F13A1: variants seen among roughly 807,000 people sequenced by gnomAD.
F13A1 encodes FSF, A subunit.
A neutral mutation model predicts 80.1 loss-of-function variants in F13A1; 47 were observed. That is an observed-to-expected ratio of 0.59 (90% CI 0.46 to 0.75). The LOEUF is 0.75. F13A1 is among the 30% of genes least tolerant of loss of function. F13A1 has a pLI of 0.00. For missense variants in F13A1, 817 were observed against 930.4 expected (o/e 0.88, Z 1.59); for synonymous variants, 349 against 344.9 (o/e 1.01, Z -0.13).
At chr6:6,272,121 G>C (rs1757929391) in intron 3 of F13A1, among the ~76,000 whole-genome samples, 1 of 152,166 alleles carries the variant, frequency 6.6e-6, no homozygotes, top group Non-Finnish European at 1.5e-5. Flanking sequence ...GCATTCCACA[G>C]ACCAGAGAGC....
At chr6:6,176,373 C>T (rs942804147) in intron 11 of F13A1, among the ~76,000 whole-genome samples, 18 of 152,126 alleles carry the variant, frequency 1.2e-4, no homozygotes, top group African/African-American at 3.4e-4. Flanking sequence ...CATAACAACA[C>T]TATAAGACAG....
At chr6:6,291,312 C>T (rs762762477) in intron 3 of F13A1, among the ~76,000 whole-genome samples, 1 of 152,060 alleles carries the variant, frequency 6.6e-6, no homozygotes, top group Non-Finnish European at 1.5e-5. Context: ...TCTTCCTTGA[C>T]TGATTCTTCC....
In F13A1 at chr6:6,279,883, T is replaced by C. The variant is rs190751964; in HGVS notation, c.320-13074A>G. On this transcript the variant is annotated intron_variant, in intron 3 of 14. Coordinates refer to ENST00000264870, the MANE Select transcript of F13A1 (RefSeq NM_000129.4). ...CTTCCAAACAAAACAGGCCAACTGA[T>C]GACATTTTTGCTAAAACAGTCAATT... Among the ~76,000 whole-genome samples, 194 of 152,360 alleles carry C rather than the reference T, an allele frequency of 1.3e-3. 1 individual carries two copies. Among genetic ancestry groups the C allele is most frequent in the Admixed American group, 3.5e-3 (53 of 15,308 alleles).
At chr6:6,235,771 C>T (rs1216663000) in intron 6 of F13A1, among the ~76,000 whole-genome samples, 7 of 151,968 alleles carry the variant, frequency 4.6e-5, no homozygotes, top group African/African-American at 1.7e-4. Flanking sequence ...ACCCAGCCAC[C>T]TCACTCCTAG....
chr6:6,216,093 C>G (rs936245183), intron 8 of F13A1, among the ~76,000 whole-genome samples: 14 of 149,462 alleles, frequency 9.4e-5, no homozygotes, highest in African/African-American at 3.5e-4. Flanking sequence ...TGAAAATGGC[C>G]ATACTGCCCA....
intron 14 of F13A1, among the ~76,000 whole-genome samples, chr6:6,148,202 A>C (rs1760317250): frequency 6.6e-6 from 1 of 152,236 alleles, no homozygotes; most frequent in Non-Finnish European, 1.5e-5. Flanking sequence ...CAAGTGCAGA[A>C]AGTTAAGAGT....
intron 8 of F13A1, among the ~76,000 whole-genome samples, chr6:6,217,775 T>A (rs1372496783): frequency 6.6e-6 from 1 of 152,230 alleles, no homozygotes; most frequent in Non-Finnish European, 1.5e-5. Context: ...ATATGAGTAC[T>A]GAGGACATAA....
At chr6:6,292,197 A>C (rs3024354) in intron 3 of F13A1, among the ~76,000 whole-genome samples, 59,174 of 152,200 alleles carry the variant, frequency 0.39, 16,705 homozygotes, top group African/African-American at 0.8. Flanking sequence ...CTGCACAGCA[A>C]CAGTGCCAAT....
At chr6:6,190,692 GC>G (rs1158163850) in intron 10 of F13A1, among the ~76,000 whole-genome samples, 2 of 151,744 alleles carry the variant, frequency 1.3e-5, no homozygotes, top group African/African-American at 4.8e-5. Context: ...TCTGTGCCCT[GC>G]CCCCAGAGGT....
chr6:6,216,016 G>A (rs1757081706), intron 8 of F13A1, among the ~76,000 whole-genome samples: 1 of 137,088 alleles, frequency 7.3e-6, no homozygotes, highest in Non-Finnish European at 1.6e-5. Flanking sequence ...ACTGCTCAAG[G>A]AAATAAAAGA....
At chr6:6,156,197 C>T (rs1225487142) in intron 13 of F13A1, among the ~76,000 whole-genome samples, 1 of 152,148 alleles carries the variant, frequency 6.6e-6, no homozygotes, top group African/African-American at 2.4e-5. Context: ...TATGCTTTTT[C>T]AAGTTACATA....
chr6:6,219,652 A>C lies in F13A1; in HGVS notation c.1112+2381T>G, dbSNP rs114363887. 8.8e-3 allele frequency among the ~76,000 whole-genome samples: 1,334 copies of C among 152,286 alleles called. 14 individuals carry two copies. Among genetic ancestry groups the C allele is most frequent in the Non-Finnish European group, 0.015 (1,001 of 68,014 alleles). ...GCTGATCTGTCTGGGGACAGCCCGC[A>C]CTAACCTCCTCAATCCAGGAGAGTC... On this transcript the variant is annotated intron_variant, in intron 8 of 14. Coordinates refer to ENST00000264870, the MANE Select transcript of F13A1 (RefSeq NM_000129.4).
At chr6:6,281,220 T>C (rs899688232) in intron 3 of F13A1, among the ~76,000 whole-genome samples, 4 of 152,238 alleles carry the variant, frequency 2.6e-5, no homozygotes, top group African/African-American at 9.6e-5. Context: ...AAATAATTCC[T>C]TCATATCTTA....
At chr6:6,290,600 A>G (rs1758209348) in intron 3 of F13A1, among the ~76,000 whole-genome samples, 1 of 152,196 alleles carries the variant, frequency 6.6e-6, no homozygotes, top group African/African-American at 2.4e-5. Flanking sequence ...ACACAGCATG[A>G]TCCAACTGTA....
chr6:6,205,536 A>G (rs1761470644), intron 8 of F13A1, among the ~76,000 whole-genome samples: 3 of 152,198 alleles, frequency 2.0e-5, no homozygotes, highest in Admixed American at 1.3e-4. Flanking sequence ...CTTAGTCCTG[A>G]GAGTACAGCC....
Position 6,197,326 on chromosome 6 carries a change from C to A in F13A1, c.1113G>T (p.Trp371Cys). ...ATGCTTCATTCCAGCAGTGGTAGTT[C>A]CTTAGAAAACACAAGCCCAGAAAGG... ...VNSKLTKDSV[W>C]NYHCWNEAWM... The change falls in exon 9 of 15, where the codon TGG becomes TGT. Residue 371 changes from tryptophan (W) to cysteine (C), a missense_variant and splice_region_variant. Physicochemically the swap from Trp to Cys is radical, Grantham distance 215. Coordinates refer to ENST00000264870, the MANE Select transcript of F13A1 (RefSeq NM_000129.4). 1 of 1,613,828 alleles carries A rather than the reference C, an allele frequency of 6.2e-7. No homozygotes were observed. The highest frequency in any genetic ancestry group is 8.5e-7 in the Non-Finnish European group (1 of 1,179,754).
At chr6:6,151,687 G>A in intron 14 of F13A1, 126 bp downstream of exon 14, 1 of 1,339,936 alleles carries the variant, frequency 7.5e-7, no homozygotes, top group Non-Finnish European at 1.1e-6. Context: ...GAAATGGTCG[G>A]CAAGGAGGAG....
chr6:6,268,638 T>C (rs569930932), intron 3 of F13A1, among the ~76,000 whole-genome samples: 1 of 152,046 alleles, frequency 6.6e-6, no homozygotes, highest in South Asian at 2.1e-4. Flanking sequence ...TATAATATAA[T>C]GAAAGCTTTA....
chr6:6,196,001 G>A, intron 9 of F13A1, 116 bp from the exon 10 acceptor site: 1 of 963,560 alleles, frequency 1.0e-6, no homozygotes, highest in South Asian at 1.4e-5. Flanking sequence ...CAACTTCATT[G>A]CTGATTTAGC....
Sources: allele counts gnomAD v4.1 joint callset (sites outside exome capture counted in the v4.1 genomes callset), GRCh38; gene constraint gnomAD v4.1.1; transcripts MANE v1.5; gene names NCBI Gene and HGNC (gene_info 2026-07-23, HGNC 2026-07-21).